The following PYROXD2 variants were observed in gnomAD, a reference collection of about 807,000 sequenced individuals.
The protein encoded by PYROXD2 is pyridine nucleotide-disulfide oxidoreductase domain-containing protein 2.
Under a neutral mutation model 71.1 loss-of-function variants are expected in PYROXD2, and 69 were observed. That is an observed-to-expected ratio of 0.97 (90% CI 0.80 to 1.19). The LOEUF (loss-of-function observed/expected upper bound fraction) is 1.19, where lower values mean the gene tolerates loss of function less well. Ranked by LOEUF, PYROXD2 falls within the 50% of genes most tolerant of loss-of-function variation. The pLI, the probability that PYROXD2 is intolerant of heterozygous loss-of-function variation, is 0.00. For synonymous variants in PYROXD2, 287 were observed against 302.7 expected (o/e 0.95, Z 0.54); for missense variants, 745 against 748.9 (o/e 0.99, Z 0.06).
intron 4 of PYROXD2, among the ~76,000 whole-genome samples, chr10:98,402,332 C>T (rs993031470): frequency 2.0e-5 from 3 of 152,122 alleles, no homozygotes; most frequent in African/African-American, 7.2e-5. Context: ...CTCTCAGCAC[C>T]GGTCTGTAAC....
At chr10:98,387,442 T>C (rs1842790864) in intron 13 of PYROXD2, 135 bp from the exon 14 acceptor site, 2 of 628,454 alleles carry the variant, frequency 3.2e-6, no homozygotes, top group East Asian at 2.9e-5. Flanking sequence ...ATGCAAATTA[T>C]ACCTCAATAG....
intron 14 of PYROXD2, among the ~76,000 whole-genome samples, chr10:98,386,811 C>G (rs997933158): frequency 1.3e-5 from 2 of 152,176 alleles, no homozygotes; most frequent in Admixed American, 1.3e-4. Context: ...GCGATTGAAC[C>G]TGGCCTCCTA....
intron 4 of PYROXD2, among the ~76,000 whole-genome samples, chr10:98,405,975 G>C (rs192356817): frequency 5.1e-4 from 77 of 152,338 alleles, no homozygotes; most frequent in Non-Finnish European, 9.1e-4. Flanking sequence ...TGTGATGCTG[G>C]TAAAATAAAC....
chr10:98,411,134 A>G, intron 1 of PYROXD2, 176 bp from the exon 2 acceptor site: 1 of 844,998 alleles, frequency 1.2e-6, no homozygotes, highest in Non-Finnish European at 1.8e-6. Flanking sequence ...AACTCCATGA[A>G]ACACCAGATC....
At chr10:98,403,982 A>G (rs1439207483) in intron 4 of PYROXD2, among the ~76,000 whole-genome samples, 1 of 152,214 alleles carries the variant, frequency 6.6e-6, no homozygotes, top group Non-Finnish European at 1.5e-5. Flanking sequence ...ACTATGAATC[A>G]CTTTTCATTT....
At chr10:98,393,163 A>G in intron 8 of PYROXD2, 80 bp from the exon 9 acceptor site, 1 of 1,134,058 alleles carries the variant, frequency 8.8e-7, no homozygotes, top group South Asian at 1.7e-5. Flanking sequence ...ATTCCTTTCC[A>G]TCTTGATCTT....
Position 98,414,990 on chromosome 10 carries a change from G to A in PYROXD2, c.127+19C>T, listed in dbSNP as rs1464161280. 1.2e-6 allele frequency: 2 copies of A among 1,610,800 alleles called. No homozygotes were observed. Among genetic ancestry groups the A allele is most frequent in the East Asian group, 4.5e-5 (2 of 44,744 alleles). On this transcript the variant is annotated intron_variant, in intron 1 of 15. Transcript: ENST00000370575. ...CTTCCCGCCCCTCAGCTCTGGCCCG[G>A]CCTGCTTTACCACTTTACCTGCTCC... is the stretch of plus-strand genomic sequence containing the variant.
In PYROXD2 at chr10:98,387,271, T is replaced by C; in HGVS notation, c.1484A>G (p.Lys495Arg). 2 of 1,614,148 alleles carry C rather than the reference T, an allele frequency of 1.2e-6. No homozygotes were observed. The highest frequency in any genetic ancestry group is 1.7e-6 in the Non-Finnish European group (2 of 1,180,010). The change falls in exon 14 of 16, where the codon AAG (lysine) becomes AGG (arginine). Residue 495 changes from lysine (K) to arginine (R), a missense_variant. Lys to Arg is a conservative substitution (Grantham distance 26, BLOSUM62 2). Transcript: ENST00000370575. ...DCIEVYAPGF[K>R]DSVVGRDILT... ...GATGTCTCTGCCAACCACAGAGTCC[T>C]TGAAGCCAGGGGCATAGACCTCGAT...
intron 2 of PYROXD2, chr10:98,410,617 T>A: frequency 2.6e-6 from 1 of 387,526 alleles, no homozygotes; most frequent in Non-Finnish European, 4.7e-6. Flanking sequence ...TCCCACCTGC[T>A]CTCATGCTGT....
intron 2 of PYROXD2, among the ~76,000 whole-genome samples, chr10:98,409,724 T>G (rs538997260): frequency 6.6e-6 from 1 of 152,304 alleles, no homozygotes; most frequent in South Asian, 2.1e-4. Flanking sequence ...TCGGAGAGGC[T>G]AAGTGACACC....
At chr10:98,385,611 G>T (rs1486463019) in intron 14 of PYROXD2, among the ~76,000 whole-genome samples, 2 of 152,216 alleles carry the variant, frequency 1.3e-5, no homozygotes, top group Non-Finnish European at 2.9e-5. Context: ...GGCAGGTCTG[G>T]ACAAGAAGCC....
At chr10:98,405,172 C>G (rs1843554711) in intron 4 of PYROXD2, among the ~76,000 whole-genome samples, 1 of 152,216 alleles carries the variant, frequency 6.6e-6, no homozygotes, top group South Asian at 2.1e-4. Context: ...CGCAGGGCCG[C>G]TGCAAAAGCA....
chr10:98,394,543 A>AACACACACACACACAC lies in PYROXD2; in HGVS notation c.785+637_785+652dup, dbSNP rs58461142. ...AACCCTTGGCTGCATTCTCCATCCC[A>AACACACACACACACAC]ACACACACACACACACACACACACA... is the stretch of plus-strand genomic sequence containing the variant. On this transcript the variant is annotated intron_variant, in intron 8 of 15. Coordinates refer to ENST00000370575, the MANE Select transcript of PYROXD2 (RefSeq NM_032709.3). Among the ~76,000 whole-genome samples the AACACACACACACACAC allele has an allele frequency of 1.8e-3, 256 of 141,902 alleles. 2 individuals are homozygous for AACACACACACACACAC. Among genetic ancestry groups the AACACACACACACACAC allele is most frequent in the African/African-American group, 5.6e-3 (214 of 37,924 alleles). 93.1% of individuals were successfully genotyped at this position (141,902 alleles called of 152,430 possible). A position where few individuals can be genotyped will look rare whatever the true frequency, so the allele number is the denominator to read the frequency against.
At chr10:98,396,013 T>G (rs1259412748) in intron 6 of PYROXD2, among the ~76,000 whole-genome samples, 2 of 152,194 alleles carry the variant, frequency 1.3e-5, no homozygotes, top group African/African-American at 4.8e-5. Flanking sequence ...AATAAATGTT[T>G]TTTGCCTGTT....
intron 15 of PYROXD2, 53 bp from the exon 16 acceptor site, chr10:98,383,921 G>A (rs750555829): frequency 3.3e-6 from 5 of 1,524,052 alleles, no homozygotes; most frequent in Non-Finnish European, 4.6e-6. Context: ...CTGCCAGGGT[G>A]GGGGTGGGGA....
chr10:98,387,043 C>T (rs201589283), intron 14 of PYROXD2, among the ~76,000 whole-genome samples, 158 bp downstream of exon 14: 1 of 152,182 alleles, frequency 6.6e-6, no homozygotes, highest in Non-Finnish European at 1.5e-5. Context: ...TCGGTTTGAC[C>T]GCTTCTCTGC....
intron 1 of PYROXD2, 126 bp from the exon 2 acceptor site, chr10:98,411,084 T>G: frequency 7.5e-7 from 1 of 1,342,162 alleles, no homozygotes. Flanking sequence ...GACCCTCCCC[T>G]CCCCTTCCCG....
chr10:98,409,358 G>A (rs1455787371), intron 2 of PYROXD2, among the ~76,000 whole-genome samples: 1 of 152,196 alleles, frequency 6.6e-6, no homozygotes. Context: ...CCTCCTTCCT[G>A]ACAGTATCTA....
At chr10:98,397,248 T>A in intron 6 of PYROXD2, 97 bp downstream of exon 6, 1 of 1,443,530 alleles carries the variant, frequency 6.9e-7, no homozygotes, top group Non-Finnish European at 9.2e-7. Context: ...GCTGGCAGGC[T>A]GCCATGGAGG....
Sources: gnomAD v4.1 joint callset for allele counts (sites outside exome capture counted in the v4.1 genomes callset) on GRCh38, gnomAD v4.1.1 for gene constraint, MANE v1.5 for transcripts, NCBI Gene and HGNC (gene_info 2026-07-23, HGNC 2026-07-21) for gene names.